Variants in TMEM163 observed in about 807,000 individuals in gnomAD.
TMEM163 encodes transmembrane protein 163.
A neutral mutation model predicts 29.3 loss-of-function variants in TMEM163; 17 were observed. That is an observed-to-expected ratio of 0.58 (90% CI 0.40 to 0.87). The LOEUF (loss-of-function observed/expected upper bound fraction) is 0.87. TMEM163 is among the 40% of genes least tolerant of loss of function. TMEM163 has a pLI of 0.00. For synonymous variants in TMEM163, 157 were observed against 160.6 expected (o/e 0.98, Z 0.17); for missense variants, 303 against 381.5 (o/e 0.79, Z 1.71).
At chr2:134,564,131 A>G (rs995027892) in intron 2 of TMEM163, among the ~76,000 whole-genome samples, 1 of 152,220 alleles carries the variant, frequency 6.6e-6, no homozygotes, top group African/African-American at 2.4e-5. Flanking sequence ...AACCTGGAAG[A>G]CAGTCACTAC....
intron 2 of TMEM163, among the ~76,000 whole-genome samples, chr2:134,689,108 T>C (rs990690397): frequency 1.4e-5 from 2 of 144,784 alleles, no homozygotes; most frequent in African/African-American, 5.4e-5. Context: ...GTTTTTTGTT[T>C]TGTTTTTTTT....
At chr2:134,686,622 T>C (rs1479665976) in intron 2 of TMEM163, among the ~76,000 whole-genome samples, 2 of 152,190 alleles carry the variant, frequency 1.3e-5, no homozygotes, top group Non-Finnish European at 2.9e-5. Context: ...CGGCTCATCA[T>C]GATACAATTT....
intron 2 of TMEM163, among the ~76,000 whole-genome samples, chr2:134,595,678 G>A (rs1682062224): frequency 6.6e-6 from 1 of 152,158 alleles, no homozygotes; most frequent in Admixed American, 6.5e-5. Context: ...CTAGATCCTT[G>A]AGGAATCGCC....
At chr2:134,640,366 G>T (rs1683197541) in intron 2 of TMEM163, among the ~76,000 whole-genome samples, 1 of 152,020 alleles carries the variant, frequency 6.6e-6, no homozygotes, top group Non-Finnish European at 1.5e-5. Context: ...TCCCAAAAAA[G>T]AAAAGAAATA....
At chr2:134,493,362 C>CTTTTT (rs1159013721) in intron 5 of TMEM163, among the ~76,000 whole-genome samples, 630 of 49,858 alleles carry the variant, frequency 0.013, 203 homozygotes, top group African/African-American at 0.042. Context: ...CTTTTGGTGT[C>CTTTTT]TTTTTTTTTT....
At chr2:134,610,061 G>C (rs1005010610) in intron 2 of TMEM163, among the ~76,000 whole-genome samples, 4 of 152,240 alleles carry the variant, frequency 2.6e-5, no homozygotes, top group African/African-American at 9.6e-5. Context: ...GCAGAAAGGG[G>C]AAGAGGGAGA....
Position 134,490,972 on chromosome 2 carries a change from C to G in TMEM163, c.555+11929G>C, listed in dbSNP as rs563226660. On this transcript the variant is annotated intron_variant, in intron 5 of 7. Transcript: ENST00000281924. Reference sequence around the variant, plus strand: ...TTGTTCATATTATACTTAGGAAACTCAATGAAAAAAAATATTTTCCTTAAA... The same window carrying G: ...TTGTTCATATTATACTTAGGAAACTGAATGAAAAAAAATATTTTCCTTAAA... 3.9e-5 allele frequency among the ~76,000 whole-genome samples: 6 copies of G among 151,944 alleles called. 1 individual carries two copies. The highest frequency in any genetic ancestry group is 1.4e-4 in the African/African-American group (6 of 41,426).
intron 2 of TMEM163, among the ~76,000 whole-genome samples, chr2:134,557,625 TTG>T (rs1372004754): frequency 6.6e-6 from 1 of 152,152 alleles, no homozygotes; most frequent in Non-Finnish European, 1.5e-5. Context: ...TTTAAAGTCT[TTG>T]ATTAGCCTTT....
chr2:134,500,978 C>G (rs1206554978), intron 5 of TMEM163, among the ~76,000 whole-genome samples: 1 of 151,992 alleles, frequency 6.6e-6, no homozygotes, highest in Admixed American at 6.6e-5. Context: ...TATTATATAG[C>G]TAGGAGAGGG....
intron 5 of TMEM163, among the ~76,000 whole-genome samples, chr2:134,500,641 A>AT (rs937860246): frequency 6.7e-5 from 10 of 148,236 alleles, no homozygotes; most frequent in Admixed American, 5.4e-4. Flanking sequence ...CGATTCTGCC[A>AT]TAAAAAAAAA....
At chr2:134,515,496 A>T (rs80086826) in intron 4 of TMEM163, among the ~76,000 whole-genome samples, 3,149 of 152,308 alleles carry the variant, frequency 0.021, 86 homozygotes, top group Middle Eastern at 0.15. Flanking sequence ...CAAGTAATTG[A>T]CTTAAATTAT....
At chr2:134,579,731 G>T (rs1345874237) in intron 2 of TMEM163, among the ~76,000 whole-genome samples, 1 of 152,216 alleles carries the variant, frequency 6.6e-6, no homozygotes, top group Admixed American at 6.5e-5. Flanking sequence ...AGACAGGGCA[G>T]ATTGTTTAAT....
At position 134,651,408 on chromosome 2, in the gene TMEM163, A is replaced by G. The variant is rs1683476476; in HGVS notation, c.322+61792T>C. 3.1e-5 allele frequency among the ~76,000 whole-genome samples: 4 copies of G among 127,636 alleles called. 1 individual carries two copies. In the South Asian group the frequency reaches 1.1e-3, roughly 35 times the overall value. The allele number at this position is 127,636 out of a possible 152,430, so 83.7% of individuals were successfully genotyped here. On this transcript the variant is annotated intron_variant, in intron 2 of 7. Coordinates refer to ENST00000281924, the MANE Select transcript of TMEM163 (RefSeq NM_030923.5). ...ATGGGGTTGTTTGTTTTTTTCTTGT[A>G]AATTTGTTTGAGTTCATTGTAGATT... is the stretch of plus-strand genomic sequence containing the variant.
intron 2 of TMEM163, among the ~76,000 whole-genome samples, chr2:134,597,139 TC>T (rs1476215554): frequency 6.6e-6 from 1 of 152,168 alleles, no homozygotes; most frequent in Non-Finnish European, 1.5e-5. Context: ...GGCCAGAACT[TC>T]CAACACTATG....
At chr2:134,511,577 A>G (rs998269223) in intron 4 of TMEM163, among the ~76,000 whole-genome samples, 2 of 152,252 alleles carry the variant, frequency 1.3e-5, no homozygotes, top group African/African-American at 4.8e-5. Flanking sequence ...AGGTGATGAT[A>G]GAACAAGGCA....
rs555099267 is a variant in TMEM163, at chr2:134,690,922, A to G, written c.322+22278T>C. On this transcript the variant is annotated intron_variant, in intron 2 of 7. Transcript: ENST00000281924. ...ACTTTGAGAGACAACTTCCTCATTCATTTATTCAAGAAACCCTGACTACCC... is the reference window on the plus strand; with the variant it reads ...ACTTTGAGAGACAACTTCCTCATTCGTTTATTCAAGAAACCCTGACTACCC... 3.3e-5 allele frequency among the ~76,000 whole-genome samples: 5 copies of G among 152,278 alleles called. No individual in the cohort carries two copies. The East Asian group carries it at 9.7e-4, about 29-fold the overall frequency.
At chr2:134,680,901 G>A (rs16830908) in intron 2 of TMEM163, among the ~76,000 whole-genome samples, 33,446 of 152,072 alleles carry the variant, frequency 0.22, 4,583 homozygotes, top group Middle Eastern at 0.38. Flanking sequence ...TTACACAAAA[G>A]CACATGAAGA....
intron 5 of TMEM163, chr2:134,469,481 T>C (rs1472845444): frequency 1.3e-5 from 2 of 152,224 alleles, no homozygotes; most frequent in Non-Finnish European, 2.9e-5. Flanking sequence ...TGGCTGCATA[T>C]ACTGCGTGCA....
At chr2:134,588,126 C>T (rs1681861872) in intron 2 of TMEM163, among the ~76,000 whole-genome samples, 1 of 152,170 alleles carries the variant, frequency 6.6e-6, no homozygotes, top group South Asian at 2.1e-4. Context: ...GAATTCACCA[C>T]GTGAATGTGG....
Sources: allele counts gnomAD v4.1 joint callset (sites outside exome capture counted in the v4.1 genomes callset), GRCh38; gene constraint gnomAD v4.1.1; transcripts MANE v1.5; gene names NCBI Gene and HGNC (gene_info 2026-07-23, HGNC 2026-07-21).